CRISP1: variants seen among roughly 807,000 people sequenced by gnomAD.
CRISP1 encodes the protein cysteine rich secretory protein 1.
Under a neutral mutation model 33.1 loss-of-function variants are expected in CRISP1, and 44 were observed. The observed-to-expected ratio is 1.33, with a 90% CI of 1.05 to 1.71. The LOEUF (loss-of-function observed/expected upper bound fraction) is 1.71. Among genes scored for constraint, CRISP1 ranks in the 40% most tolerant of loss-of-function variants. The pLI, the probability that CRISP1 is intolerant of heterozygous loss-of-function variation, is 0.00. For missense variants in CRISP1, 390 were observed against 301.2 expected (o/e 1.29, Z -2.18); for synonymous variants, 103 against 98.7 (o/e 1.04, Z -0.26).
chr6:49,848,059 A>G (rs1771235648), intron 4 of CRISP1, 150 bp downstream of exon 4: 2 of 468,234 alleles, frequency 4.3e-6, no homozygotes, highest in Middle Eastern at 3.4e-4. Context: ...AAAACAGTGT[A>G]ATAGTCCACA....
At position 49,835,348 on chromosome 6, in the gene CRISP1, C is replaced by T. The variant is rs746903095; in HGVS notation, c.718G>A (p.Ala240Thr). 1 of 1,613,736 alleles carries T rather than the reference C, an allele frequency of 6.2e-7. No homozygotes were observed. Among genetic ancestry groups the T allele is most frequent in the South Asian group, 1.1e-5 (1 of 91,042 alleles). Residue 240 changes from alanine (A) to threonine (T), a missense_variant, in exon 8 of 8, where the codon GCC becomes ACC. Physicochemically the swap from Ala to Thr is moderately conservative, Grantham distance 58 (BLOSUM62 0). Coordinates refer to ENST00000335847, the MANE Select transcript of CRISP1 (RefSeq NM_001131.3). ...ATCTCAGTGTCACACAGACAAGTGG[C>T]TTTACAGAATAGGATAGTTGTTGAG... is the stretch of plus-strand genomic sequence containing the variant. ...NHSTTILFCKATCLCDTEIK is the reference protein window; with the variant it reads ...NHSTTILFCKTTCLCDTEIK
At chr6:49,873,072 ATGACGAGT>A (rs1186665854) in intron 1 of CRISP1, among the ~76,000 whole-genome samples, 2 of 152,058 alleles carry the variant, frequency 1.3e-5, no homozygotes, top group Admixed American at 1.3e-4. Context: ...CTAATGTTAA[ATGACGAGT>A]TACTTGGTGC....
chr6:49,869,523 T>C (rs151307585), upstream of CRISP1, among the ~76,000 whole-genome samples: 92 of 152,294 alleles, frequency 6.0e-4, no homozygotes, highest in African/African-American at 2.1e-3. Flanking sequence ...TTATTGAAGC[T>C]ATCCTGGAAG....
intron 1 of CRISP1, among the ~76,000 whole-genome samples, chr6:49,864,371 C>G (rs1771739986): frequency 6.8e-6 from 1 of 147,060 alleles, no homozygotes; most frequent in Non-Finnish European, 1.5e-5. Flanking sequence ...TTAGTAAACA[C>G]TGTTGCTATT....
intron 2 of CRISP1, among the ~76,000 whole-genome samples, chr6:49,853,609 A>T (rs1379794042): frequency 6.6e-6 from 1 of 152,170 alleles, no homozygotes; most frequent in Admixed American, 6.6e-5. Flanking sequence ...TCCCTGCCTG[A>T]TTGGAATTTC....
intron 1 of CRISP1, among the ~76,000 whole-genome samples, chr6:49,873,501 G>A (rs1484466782): frequency 1.3e-5 from 2 of 152,048 alleles, no homozygotes; most frequent in Non-Finnish European, 2.9e-5. Flanking sequence ...GTGTCCTCAT[G>A]TTAGGCTATT....
upstream of CRISP1, among the ~76,000 whole-genome samples, chr6:49,870,599 C>A (rs1365382778): frequency 6.6e-6 from 1 of 152,102 alleles, no homozygotes; most frequent in East Asian, 1.9e-4. Flanking sequence ...GTCAAGAGAG[C>A]CTGTTAATAC....
At chr6:49,845,616 C>T (rs2127471773) in intron 5 of CRISP1, among the ~76,000 whole-genome samples, 1 of 151,918 alleles carries the variant, frequency 6.6e-6, no homozygotes, top group South Asian at 2.1e-4. Context: ...CCAGTAATTC[C>T]TCTCCTTGGC....
At chr6:49,875,306 C>T (rs1011775795) in intron 1 of CRISP1, among the ~76,000 whole-genome samples, 2 of 151,704 alleles carry the variant, frequency 1.3e-5, no homozygotes, top group African/African-American at 4.8e-5. Flanking sequence ...AATGAACTCC[C>T]ATTCACAATT....
intron 6 of CRISP1, among the ~76,000 whole-genome samples, chr6:49,840,601 T>G (rs1171611444): frequency 2.0e-5 from 3 of 152,208 alleles, no homozygotes; most frequent in East Asian, 1.9e-4. Flanking sequence ...ATAGGAAGAC[T>G]GCTGGTAAAT....
rs1481091478 is a variant in CRISP1 at position 49,857,325 on chromosome 6, C to T, written c.66+10G>A. On this transcript the variant is annotated intron_variant, in intron 2 of 7. Transcript: ENST00000335847. ...AGAAAGTAATTATGAAACATCCAAC[C>T]CTCACATACTTTCATGGACAACATA... 6 of 1,611,520 alleles carry T rather than the reference C, an allele frequency of 3.7e-6. No homozygotes were observed. The Admixed American group carries it at 8.3e-5, about 22-fold the overall frequency.
rs186247406 is a variant in CRISP1 at position 49,875,920 on chromosome 6, G to T, written c.-3+1089C>A. 1.1e-3 allele frequency among the ~76,000 whole-genome samples: 163 copies of T among 151,870 alleles called. 1 individual carries two copies. The highest frequency in any genetic ancestry group is 1.9e-3 in the Non-Finnish European group (126 of 67,930). On this transcript the variant is annotated intron_variant, in intron 1 of 7. Transcript: ENST00000505118. ...CTCAAGATGGATTAAAGACTTAAAC[G>T]TCAAACCCCAAACTACAAAAACCCT...
chr6:49,838,642 A>G (rs1770883777), intron 6 of CRISP1, 117 bp from the exon 7 acceptor site: 3 of 692,772 alleles, frequency 4.3e-6, no homozygotes, highest in Non-Finnish European at 7.2e-6. Context: ...TGTAAAGAAC[A>G]GTGATAATTT....
chr6:49,868,102 A>G (rs925979168), upstream of CRISP1, among the ~76,000 whole-genome samples: 1 of 152,134 alleles, frequency 6.6e-6, no homozygotes, highest in Non-Finnish European at 1.5e-5. Context: ...ACCCAACACA[A>G]TGCTGTCTGT....
intron 1 of CRISP1, among the ~76,000 whole-genome samples, chr6:49,857,834 G>C (rs1214211662): frequency 2.0e-5 from 3 of 152,120 alleles, no homozygotes; most frequent in African/African-American, 7.2e-5. Context: ...GACCAGTCAT[G>C]CTGAATTTGA....
At chr6:49,847,336 A>G (rs1771210528) in intron 4 of CRISP1, among the ~76,000 whole-genome samples, 2 of 152,146 alleles carry the variant, frequency 1.3e-5, no homozygotes, top group African/African-American at 4.8e-5. Flanking sequence ...CCCGTGTTGA[A>G]GGTGGGGCCT....
chr6:49,868,292 G>A (rs1011567823), upstream of CRISP1, among the ~76,000 whole-genome samples: 5 of 152,120 alleles, frequency 3.3e-5, no homozygotes, highest in South Asian at 4.1e-4. Context: ...TTCTCTTTCT[G>A]TTTAAGCTTT....
chr6:49,858,425 A>G (rs74936304), intron 1 of CRISP1, among the ~76,000 whole-genome samples: 5,763 of 152,288 alleles, frequency 0.038, 370 homozygotes, highest in African/African-American at 0.13. Flanking sequence ...TTTAAAGAGC[A>G]AGTTAACAAA....
chr6:49,842,248 A>C (rs894530467), intron 5 of CRISP1, among the ~76,000 whole-genome samples: 1 of 152,106 alleles, frequency 6.6e-6, no homozygotes, highest in East Asian at 1.9e-4. Context: ...AACATTTTCT[A>C]CCAATGAGTA....
Sources: gnomAD v4.1 joint callset for allele counts (sites outside exome capture counted in the v4.1 genomes callset) on GRCh38, gnomAD v4.1.1 for gene constraint, MANE v1.5 for transcripts, NCBI Gene and HGNC (gene_info 2026-07-23, HGNC 2026-07-21) for gene names.